Variants in TOMM7 observed in about 807,000 individuals in gnomAD.
The protein encoded by TOMM7 is mitochondrial import receptor subunit TOM7 homolog.
Under a neutral mutation model 9.5 loss-of-function variants are expected in TOMM7, and 8 were observed. That is an observed-to-expected ratio of 0.84 (90% confidence interval 0.49 to 1.51). TOMM7 has a LOEUF of 1.51. Ranked by LOEUF, TOMM7 falls within the 40% of genes most tolerant of loss-of-function variation. TOMM7 has a pLI of 0.00. For missense variants in TOMM7, 74 were observed against 63.7 expected (o/e 1.16, Z -0.55); for synonymous variants, 27 against 21.4 (o/e 1.26, Z -0.72).
chr7:22,822,551 A>G, intron 1 of TOMM7, 126 bp downstream of exon 1: 1 of 855,546 alleles, frequency 1.2e-6, no homozygotes, highest in Non-Finnish European at 1.9e-6. Context: ...TTGACCAGAC[A>G]GCCTCAGGGG....
chr7:22,822,363 G>A (rs1426694538), intron 1 of TOMM7: 10 of 1,306,864 alleles, frequency 7.7e-6, no homozygotes, highest in Non-Finnish European at 9.3e-6. Context: ...GTGCTAGAGA[G>A]TGAATTAGTG....
At chr7:22,821,973 C>A (rs959324933) in intron 1 of TOMM7, among the ~76,000 whole-genome samples, 4 of 152,072 alleles carry the variant, frequency 2.6e-5, no homozygotes, top group African/African-American at 9.7e-5. Context: ...GCACTCCAGT[C>A]TGGGTGACAG....
At chr7:22,822,321 G>A (rs1782404689) in intron 1 of TOMM7, 2 of 1,512,538 alleles carry the variant, frequency 1.3e-6, no homozygotes, top group Admixed American at 4.4e-5. Flanking sequence ...ACCACATGGA[G>A]CGGTGAGGAA....
intron 2 of TOMM7, among the ~76,000 whole-genome samples, chr7:22,816,579 G>T (rs1228992390): frequency 1.3e-5 from 2 of 152,260 alleles, no homozygotes; most frequent in Admixed American, 1.3e-4. Flanking sequence ...GAAGAAGGTA[G>T]TGTGTGAAGA....
In TOMM7 at chr7:22,813,044, G is replaced by A. The variant is rs567868758; in HGVS notation, c.*126C>T. ...ACAAGTTCCACTCTGCTACAGATGC[G>A]TCTGTGAAGAGCCTTGTGCCATCCA... On this transcript the variant is annotated 3_prime_UTR_variant, in exon 3 of 3. Transcript: ENST00000358435. The A allele has an allele frequency of 2.9e-5, 26 of 892,148 alleles. No individual in the cohort carries two copies. Among genetic ancestry groups the A allele is most frequent in the South Asian group, 8.3e-5 (6 of 72,016 alleles). 55.3% of individuals were successfully genotyped at this position (892,148 alleles called of 1,614,324 possible).
intron 2 of TOMM7, among the ~76,000 whole-genome samples, chr7:22,815,026 G>GT (rs1554305387): frequency 6.6e-6 from 1 of 152,124 alleles, no homozygotes; most frequent in African/African-American, 2.4e-5. Flanking sequence ...ATGAAATTCC[G>GT]TAACTGAGTA....
At chr7:22,813,274 TTATG>T (rs760522091) in intron 2 of TOMM7, 89 bp from the exon 3 acceptor site, 2 of 1,172,924 alleles carry the variant, frequency 1.7e-6, no homozygotes, top group Non-Finnish European at 2.4e-6. Flanking sequence ...TTTTATACAT[TTATG>T]TTTGTTTCCT....
At chr7:22,817,824 G>A (rs140815800) in intron 2 of TOMM7, 176 bp downstream of exon 2, 6 of 586,696 alleles carry the variant, frequency 1.0e-5, no homozygotes, top group Non-Finnish European at 1.5e-5. Flanking sequence ...ACATGGTACA[G>A]TAAATACAAA....
intron 2 of TOMM7, among the ~76,000 whole-genome samples, chr7:22,817,062 ATGT>A: frequency 6.6e-6 from 1 of 152,084 alleles, no homozygotes; most frequent in African/African-American, 2.4e-5. Context: ...CCCACAAGAG[ATGT>A]CTGAGACAGG....
At chr7:22,821,820 A>G (rs1351689200) in intron 1 of TOMM7, among the ~76,000 whole-genome samples, 3 of 152,152 alleles carry the variant, frequency 2.0e-5, no homozygotes, top group African/African-American at 7.2e-5. Flanking sequence ...TGCAACCCTA[A>G]CTGAAAAATA....
chr7:22,820,059 G>C (rs1782367064), intron 1 of TOMM7, among the ~76,000 whole-genome samples: 1 of 152,206 alleles, frequency 6.6e-6, no homozygotes, highest in Non-Finnish European at 1.5e-5. Flanking sequence ...CCTGGAGCCA[G>C]GTGTGGTGGC....
intron 2 of TOMM7, among the ~76,000 whole-genome samples, chr7:22,814,440 G>A (rs1379290500): frequency 6.6e-6 from 1 of 151,230 alleles, no homozygotes; most frequent in Non-Finnish European, 1.5e-5. Context: ...GACCACCTGA[G>A]CTCAGGAGGT....
At chr7:22,818,686 C>T (rs1321125587) in intron 1 of TOMM7, among the ~76,000 whole-genome samples, 1 of 152,174 alleles carries the variant, frequency 6.6e-6, no homozygotes, top group Non-Finnish European at 1.5e-5. Flanking sequence ...CATTATTAGT[C>T]ATTTACCCAG....
At chr7:22,813,896 A>G (rs1332592924) in intron 2 of TOMM7, among the ~76,000 whole-genome samples, 1 of 67,050 alleles carries the variant, frequency 1.5e-5, no homozygotes, top group African/African-American at 1.0e-4. Flanking sequence ...GCATTATTAA[A>G]TGACACTGAC....
At chr7:22,813,286 C>T (rs1426885516) in intron 2 of TOMM7, 101 bp from the exon 3 acceptor site, 2 of 1,016,080 alleles carry the variant, frequency 2.0e-6, no homozygotes, top group African/African-American at 3.2e-5. Context: ...ATGTTTGTTT[C>T]CTCATCTATC....
chr7:22,819,601 C>A (rs887925276), intron 1 of TOMM7, among the ~76,000 whole-genome samples: 1 of 152,334 alleles, frequency 6.6e-6, no homozygotes, highest in Admixed American at 6.5e-5. Context: ...GAACTCCTGA[C>A]CCCTGGTAAT....
chr7:22,822,350 C>T, intron 1 of TOMM7: 1 of 1,434,156 alleles, frequency 7.0e-7, no homozygotes, highest in Non-Finnish European at 9.3e-7. Context: ...CGAGAACCAC[C>T]TAGTGCTAGA....
At chr7:22,822,223 CA>C in intron 1 of TOMM7, 2 of 1,550,844 alleles carry the variant, frequency 1.3e-6, no homozygotes, top group Non-Finnish European at 8.7e-7. Context: ...CAGAGGCATC[CA>C]ACGACTATTA....
intron 1 of TOMM7, among the ~76,000 whole-genome samples, chr7:22,821,897 G>A (rs1472851935): frequency 1.3e-5 from 2 of 152,194 alleles, no homozygotes; most frequent in African/African-American, 2.4e-5. Flanking sequence ...CTACTTGGGA[G>A]ACTGAGGTGG....
Sources: allele counts gnomAD v4.1 joint callset (sites outside exome capture counted in the v4.1 genomes callset), GRCh38; gene constraint gnomAD v4.1.1; transcripts MANE v1.5; gene names NCBI Gene and HGNC (gene_info 2026-07-23, HGNC 2026-07-21).